Variants in KDM4B observed in about 807,000 individuals in gnomAD.
KDM4B encodes lysine-specific demethylase 4B.
In KDM4B, 32 loss-of-function variants were observed where a neutral mutation model predicts 125.2. That is an observed-to-expected ratio of 0.26 (90% CI 0.19 to 0.34). The LOEUF (loss-of-function observed/expected upper bound fraction) is 0.34, where lower values mean the gene tolerates loss of function less well. KDM4B is among the 10% of genes least tolerant of loss of function. KDM4B has a pLI of 1.00. For synonymous variants in KDM4B, 721 were observed against 677.9 expected, an observed-to-expected ratio of 1.06 and a Z score of -0.99; for missense variants, 1,190 against 1,577.7, an observed-to-expected ratio of 0.75 and a Z score of 4.16.
At chr19:5,108,309 T>A (rs958095138) in intron 9 of KDM4B, among the ~76,000 whole-genome samples, 1 of 152,236 alleles carries the variant, frequency 6.6e-6, no homozygotes, top group Non-Finnish European at 1.5e-5. Context: ...CATGGCCAAA[T>A]GACACCACCA....
At chr19:5,000,393 C>T (rs2035347861) in intron 1 of KDM4B, among the ~76,000 whole-genome samples, 1 of 134,254 alleles carries the variant, frequency 7.4e-6, no homozygotes. Context: ...ATCCATCCAT[C>T]TGTCTGTCCA....
intron 6 of KDM4B, among the ~76,000 whole-genome samples, chr19:5,065,895 G>A (rs779136785): frequency 2.6e-5 from 4 of 152,168 alleles, no homozygotes; most frequent in African/African-American, 4.8e-5. Flanking sequence ...AGCATCCCCC[G>A]GGCAGCTCTG....
chr19:5,027,779 A>G (rs943206364), intron 2 of KDM4B, among the ~76,000 whole-genome samples: 2 of 152,062 alleles, frequency 1.3e-5, no homozygotes, highest in Admixed American at 1.3e-4. Flanking sequence ...GACCTCAGGC[A>G]GTCTGCCCAC....
At chr19:5,089,276 C>G (rs1409003452) in intron 9 of KDM4B, among the ~76,000 whole-genome samples, 2 of 152,214 alleles carry the variant, frequency 1.3e-5, no homozygotes, top group East Asian at 3.8e-4. Context: ...GGCAGCCTTT[C>G]TGGAAGGCCG....
rs1024465177 is a variant in KDM4B, at chr19:5,152,400, G to A, written c.*889G>A. On this transcript the variant is annotated 3_prime_UTR_variant, in exon 23 of 23. Coordinates refer to ENST00000159111, the MANE Select transcript of KDM4B (RefSeq NM_015015.3). ...CTGAGAGAAACGCAGGTGTTCCAGA[G>A]GCTTCCTTGCAGACAAAGCACCCCT... 1 of 152,336 alleles carries A rather than the reference G, an allele frequency of 6.6e-6. No homozygotes were observed. The highest frequency in any genetic ancestry group is 1.5e-5 in the Non-Finnish European group (1 of 68,112). 9.4% of individuals were successfully genotyped at this position (152,336 alleles called of 1,614,324 possible).
At chr19:5,130,967 G>A in intron 11 of KDM4B, 109 bp from the exon 12 acceptor site, 1 of 811,854 alleles carries the variant, frequency 1.2e-6, no homozygotes, top group Non-Finnish European at 1.9e-6. Context: ...CTCTCTGGGT[G>A]GAAGGAGCCC....
intron 2 of KDM4B, among the ~76,000 whole-genome samples, chr19:5,021,360 G>A (rs376749456): frequency 4.6e-5 from 7 of 152,118 alleles, no homozygotes; most frequent in African/African-American, 1.7e-4. Flanking sequence ...AGGCCAAGGC[G>A]GGTGGCCTTG....
Position 5,122,767 on chromosome 19 carries a change from C to T in KDM4B, c.1315+2915C>T, listed in dbSNP as rs1038791754. On this transcript the variant is annotated intron_variant, in intron 11 of 22. Coordinates refer to ENST00000159111, the MANE Select transcript of KDM4B (RefSeq NM_015015.3). ...AAGAGGGCACCAGAAGAGGAGATCCCTTAGGCTAATGAGCCCAGCCTGCTC... is the reference window on the plus strand; with the variant it reads ...AAGAGGGCACCAGAAGAGGAGATCCTTTAGGCTAATGAGCCCAGCCTGCTC... 3.3e-5 allele frequency among the ~76,000 whole-genome samples: 5 copies of T among 152,198 alleles called. No individual in the cohort carries two copies. In the East Asian group the frequency reaches 9.6e-4, roughly 29 times the overall value.
At position 5,131,982 on chromosome 19, in the gene KDM4B, G is replaced by A. The variant is rs1477941616; in HGVS notation, c.1881G>A (p.Val627=). 1.2e-6 allele frequency: 2 copies of A among 1,610,410 alleles called. No homozygotes were observed. The highest frequency in any genetic ancestry group is 3.4e-5 in the Admixed American group (2 of 59,542). Residue 627 remains valine (V), a synonymous_variant, in exon 13 of 23, where the codon GTG becomes GTA. Transcript: ENST00000159111. Reference sequence around the variant, plus strand: ...CCACCCGGTCCCCACTGTCGGTGGTGAAGCAGGAGGCCTCAAGTGACGAGG... The same window carrying A: ...CCACCCGGTCCCCACTGTCGGTGGTAAAGCAGGAGGCCTCAAGTGACGAGG... ...RPPTRSPLSV[V]KQEASSDEEA...
At chr19:5,122,715 G>C (rs1432760251) in intron 11 of KDM4B, among the ~76,000 whole-genome samples, 1 of 152,200 alleles carries the variant, frequency 6.6e-6, no homozygotes, top group Non-Finnish European at 1.5e-5. Context: ...AATGCCTGAG[G>C]ACCAGGAGGG....
chr19:5,033,125 G>A (rs555383728), intron 3 of KDM4B, 94 bp downstream of exon 3: 536 of 1,424,536 alleles, frequency 3.8e-4, no homozygotes, highest in Non-Finnish European at 4.8e-4. Flanking sequence ...CCCCACAGGC[G>A]TGGCCTGTGC....
At chr19:4,986,306 C>T (rs1386039966) in intron 1 of KDM4B, among the ~76,000 whole-genome samples, 3 of 152,214 alleles carry the variant, frequency 2.0e-5, no homozygotes, top group Non-Finnish European at 4.4e-5. Context: ...TGAACTCTGT[C>T]AGTGCCACTG....
intron 2 of KDM4B, among the ~76,000 whole-genome samples, chr19:5,017,164 G>T (rs2035918869): frequency 6.6e-6 from 1 of 152,190 alleles, no homozygotes; most frequent in Admixed American, 6.5e-5. Context: ...GTGTGGACTT[G>T]AGCTGGGGCC....
At chr19:5,143,053 C>A (rs934022753) in intron 18 of KDM4B, among the ~76,000 whole-genome samples, 1 of 152,014 alleles carries the variant, frequency 6.6e-6, no homozygotes, top group Non-Finnish European at 1.5e-5. Flanking sequence ...AGGACCTGCG[C>A]GATGGCTCAC....
intron 11 of KDM4B, among the ~76,000 whole-genome samples, chr19:5,125,592 C>T (rs965170715): frequency 2.0e-4 from 31 of 152,186 alleles, no homozygotes; most frequent in Non-Finnish European, 1.6e-4. Context: ...TCCACACGCC[C>T]GGTGCAGTGG....
intron 7 of KDM4B, chr19:5,075,079 G>C (rs1405573764): frequency 1.3e-5 from 2 of 152,406 alleles, no homozygotes; most frequent in Non-Finnish European, 2.9e-5. Context: ...TCCGCAGTCT[G>C]TGCTGGAGCC....
At position 5,077,489 on chromosome 19, in the gene KDM4B, T is replaced by A; in HGVS notation, c.780+19T>A. On this transcript the variant is annotated intron_variant, in intron 8 of 22. Coordinates refer to ENST00000159111, the MANE Select transcript of KDM4B (RefSeq NM_015015.3). Reference sequence around the variant, plus strand: ...CAGCCGGGTGCGTACGGGTGGGGCCTGCACGCCTGTGGGTGAAGTGGGTAC... The same window carrying A: ...CAGCCGGGTGCGTACGGGTGGGGCCAGCACGCCTGTGGGTGAAGTGGGTAC... The A allele has an allele frequency of 6.3e-7, 1 of 1,594,574 alleles. No individual in the cohort carries two copies. The highest frequency in any genetic ancestry group is 8.6e-7 in the Non-Finnish European group (1 of 1,163,016).
chr19:5,052,991 G>A (rs1393876718), intron 6 of KDM4B, among the ~76,000 whole-genome samples: 2 of 152,226 alleles, frequency 1.3e-5, no homozygotes, highest in Non-Finnish European at 2.9e-5. Context: ...CTCTGGCTGG[G>A]CCACCAGAGG....
At chr19:5,039,357 AG>A (rs2036730634) in intron 3 of KDM4B, among the ~76,000 whole-genome samples, 1 of 152,150 alleles carries the variant, frequency 6.6e-6, no homozygotes, top group Non-Finnish European at 1.5e-5. Context: ...CGGGAGGCTG[AG>A]GTGGGAGGAT....
Sources: gnomAD v4.1 joint callset for allele counts (sites outside exome capture counted in the v4.1 genomes callset) on GRCh38, gnomAD v4.1.1 for gene constraint, MANE v1.5 for transcripts, NCBI Gene and HGNC (gene_info 2026-07-23, HGNC 2026-07-21) for gene names.